USP7: variants seen among roughly 807,000 people sequenced by gnomAD.
USP7 encodes the protein ubiquitin specific peptidase 7.
In USP7, 9 loss-of-function variants were observed where a neutral mutation model predicts 162.9. The ratio of observed to expected loss-of-function variants is 0.06; its 90% CI spans 0.03 to 0.10. The LOEUF (loss-of-function observed/expected upper bound fraction) is 0.10. Ranked by LOEUF, USP7 falls within the 10% of genes least tolerant of loss-of-function variation. The pLI is 1.00. For synonymous variants in USP7, 562 were observed against 475.9 expected, an observed-to-expected ratio of 1.18 and a Z score of -2.35; for missense variants, 715 against 1,373.7, an observed-to-expected ratio of 0.52 and a Z score of 7.58.
intron 11 of USP7, 27 bp downstream of exon 11, chr16:8,910,718 G>T (rs1489526416): frequency 3.1e-6 from 5 of 1,596,658 alleles, no homozygotes; most frequent in African/African-American, 1.3e-5. Flanking sequence ...GCTACAACAG[G>T]ACACTAGCAC....
chr16:8,956,896 G>A (rs1241717548), intron 1 of USP7, among the ~76,000 whole-genome samples: 3 of 152,202 alleles, frequency 2.0e-5, no homozygotes, highest in Non-Finnish European at 4.4e-5. Context: ...CCTCAGCCAT[G>A]CCCAGCCCTT....
intron 2 of USP7, among the ~76,000 whole-genome samples, chr16:8,926,153 CAAAA>C (rs35060100): frequency 1.5e-5 from 2 of 130,742 alleles, no homozygotes; most frequent in Non-Finnish European, 1.6e-5. Context: ...GACTCCGTCT[CAAAA>C]AAAAAAAAAA....
chr16:8,950,602 T>C (rs1255032963), intron 1 of USP7, among the ~76,000 whole-genome samples: 1 of 152,190 alleles, frequency 6.6e-6, no homozygotes, highest in Non-Finnish European at 1.5e-5. Context: ...GACTGGGCGC[T>C]GACAGAGACA....
rs1242134060 is a variant in USP7 at position 8,893,140 on chromosome 16, T to G, written c.*858A>C. The G allele has an allele frequency of 6.6e-6, 1 of 152,218 alleles. No individual in the cohort carries two copies. Among genetic ancestry groups the G allele is most frequent in the Admixed American group, 6.5e-5 (1 of 15,282 alleles). The allele number at this position is 152,218 out of a possible 1,614,324, so 9.4% of individuals were successfully genotyped here. A position where few individuals can be genotyped will look rare whatever the true frequency, so the allele number is the denominator to read the frequency against. ...TTTCCTTTTTTTTTCATTTTTAACT[T>G]TTTTACAAAGTCGACAGCTTACTAA... On this transcript the variant is annotated 3_prime_UTR_variant, in exon 31 of 31. Transcript: ENST00000344836.
At chr16:8,907,071 T>C (rs1039003698) in intron 12 of USP7, among the ~76,000 whole-genome samples, 1 of 152,196 alleles carries the variant, frequency 6.6e-6, no homozygotes, top group African/African-American at 2.4e-5. Flanking sequence ...GGGTGGGGGC[T>C]GGTCTCAAGC....
intron 11 of USP7, 152 bp downstream of exon 11, chr16:8,910,593 C>T (rs550586060): frequency 2.8e-5 from 19 of 690,100 alleles, no homozygotes; most frequent in South Asian, 2.7e-4. Context: ...CCTCTCCCTC[C>T]CCATTCAATT....
At chr16:8,946,373 G>A (rs951027907) in intron 1 of USP7, among the ~76,000 whole-genome samples, 3 of 152,120 alleles carry the variant, frequency 2.0e-5, no homozygotes, top group African/African-American at 7.2e-5. Flanking sequence ...TTGTGGCCAG[G>A]AGTTCAAGAC....
rs1188046889 is a variant in USP7 at position 8,901,047 on chromosome 16, G to C, written c.2151C>G (p.Leu717=). 4 of 1,613,984 alleles carry C rather than the reference G, an allele frequency of 2.5e-6. No homozygotes were observed. Among genetic ancestry groups the C allele is most frequent in the African/African-American group, 1.3e-5 (1 of 74,912 alleles). The change falls in exon 20 of 31, where the codon CTC becomes CTG. Residue 717 remains leucine, a synonymous_variant. Coordinates refer to ENST00000344836, the MANE Select transcript of USP7 (RefSeq NM_003470.3). Reference sequence around the variant, plus strand: ...ATCCTGCTCTGTCACACATAACTGGGAGCAAGTCACCTAGGAGAAAGAAGA... The same window carrying C: ...ATCCTGCTCTGTCACACATAACTGGCAGCAAGTCACCTAGGAGAAAGAAGA... ...TPISCKIRDL[L]PVMCDRAGFI... is the part of the protein sequence containing the mutation.
At chr16:8,957,755 TCTTAA>T (rs1899868059) in intron 1 of USP7, among the ~76,000 whole-genome samples, 2 of 140,642 alleles carry the variant, frequency 1.4e-5, no homozygotes, top group African/African-American at 5.8e-5. Flanking sequence ...AGACCCTGTC[TCTTAA>T]ATTAAAAAAA....
chr16:8,912,580 T>G (rs1031035303), intron 10 of USP7, among the ~76,000 whole-genome samples: 5 of 151,774 alleles, frequency 3.3e-5, no homozygotes, highest in Non-Finnish European at 1.5e-5. Flanking sequence ...ATGACAGAAT[T>G]AGTAGACAAG....
At chr16:8,924,767 G>A (rs1042822961) in intron 2 of USP7, among the ~76,000 whole-genome samples, 1 of 152,148 alleles carries the variant, frequency 6.6e-6, no homozygotes, top group Non-Finnish European at 1.5e-5. Flanking sequence ...CTCCTGGGAG[G>A]GTAGTATTGA....
chr16:8,903,988 T>A (rs2061819877), intron 15 of USP7, among the ~76,000 whole-genome samples: 1 of 152,146 alleles, frequency 6.6e-6, no homozygotes, highest in South Asian at 2.1e-4. Flanking sequence ...CCTCCCTTTC[T>A]CCAACCCCCT....
intron 21 of USP7, chr16:8,900,104 G>A (rs771260597): frequency 5.4e-5 from 21 of 389,154 alleles, no homozygotes; most frequent in South Asian, 1.2e-4. Context: ...GTCTCTGACC[G>A]TGAGTCAGGA....
rs765588791 is a variant in USP7 at position 8,899,776 on chromosome 16, T to C, written c.2310-19A>G. On this transcript the variant is annotated intron_variant, in intron 21 of 30. Transcript: ENST00000344836. The stretch of plus-strand genomic sequence containing the variant: ...GTCATCCCTGGTGGAGGGAGAAAGT[T>C]TGCAGTCTGAATCAAAGTCCATGGC... 2 of 1,614,180 alleles carry C rather than the reference T, an allele frequency of 1.2e-6. No individual in the cohort carries two copies. The highest frequency in any genetic ancestry group is 2.2e-5 in the East Asian group (1 of 44,888).
At position 8,903,854 on chromosome 16, in the gene USP7, T is replaced by TGA. The variant is rs369795537; in HGVS notation, c.1705-454_1705-453dup. 4.6e-3 allele frequency among the ~76,000 whole-genome samples: 609 copies of TGA among 133,572 alleles called. 5 individuals carry two copies. Among genetic ancestry groups the TGA allele is most frequent in the African/African-American group, 0.015 (544 of 35,220 alleles). 87.6% of individuals were successfully genotyped at this position (133,572 alleles called of 152,430 possible). A position where few individuals can be genotyped will look rare whatever the true frequency, so the allele number is the denominator to read the frequency against. ...TGCACTCAAGCCTGGGCAACAAGAG[T>TGA]GAAACTCTGTCTCAAAAAAAAAAAA... On this transcript the variant is annotated intron_variant, in intron 15 of 30. Transcript: ENST00000344836.
chr16:8,911,606 C>A (rs570325903), intron 10 of USP7, among the ~76,000 whole-genome samples: 1 of 152,224 alleles, frequency 6.6e-6, no homozygotes, highest in Non-Finnish European at 1.5e-5. Flanking sequence ...ATGAGAGCCC[C>A]GTGATGGGCC....
intron 26 of USP7, among the ~76,000 whole-genome samples, chr16:8,896,685 G>A (rs553911840): frequency 1.3e-5 from 2 of 152,278 alleles, no homozygotes; most frequent in Admixed American, 6.5e-5. Flanking sequence ...TGGGAACTGC[G>A]CCTTTTTACT....
rs568155610 is a variant in USP7, at chr16:8,901,910, G to C, written c.2047+172C>G. On this transcript the variant is annotated intron_variant, in intron 18 of 30. Coordinates refer to ENST00000344836, the MANE Select transcript of USP7 (RefSeq NM_003470.3). ...TGTCTCCGGGCCTCACAGGAAACTC[G>C]CAGCCAAGTCAGTCTTATTTGACTT... 22 of 627,750 alleles carry C rather than the reference G, an allele frequency of 3.5e-5. No individual in the cohort carries two copies. In the South Asian group the frequency reaches 3.8e-4, roughly 11 times the overall value. The allele number at this position is 627,750 out of a possible 1,614,324, so 38.9% of individuals were successfully genotyped here.
In USP7 at chr16:8,904,497, T is replaced by TCTC; in HGVS notation, c.1639_1641dup (p.Glu547dup). ...TTCCGCTTCTGAGCCTCGATCCTTTTCTCTTCTTGTAATCGCTCCACCAAC... is the reference window on the plus strand; with the variant it reads ...TTCCGCTTCTGAGCCTCGATCCTTTTCTCCTCTTCTTGTAATCGCTCCACCAAC... On this transcript the variant is annotated inframe_insertion, in exon 15 of 31. Coordinates refer to ENST00000344836, the MANE Select transcript of USP7 (RefSeq NM_003470.3). 6.2e-7 allele frequency: 1 copy of TCTC among 1,614,146 alleles called. No homozygotes were observed.
Sources: gnomAD v4.1 joint callset for allele counts (sites outside exome capture counted in the v4.1 genomes callset) on GRCh38, gnomAD v4.1.1 for gene constraint, MANE v1.5 for transcripts, NCBI Gene and HGNC (gene_info 2026-07-23, HGNC 2026-07-21) for gene names.